The following DCC variants were observed in gnomAD, a reference collection of about 807,000 sequenced individuals.
DCC encodes netrin receptor DCC.
A neutral mutation model predicts 172.5 loss-of-function variants in DCC; 58 were observed. That is an observed-to-expected ratio of 0.34 (90% confidence interval 0.27 to 0.42). DCC has a LOEUF of 0.42. Ranked by LOEUF, DCC falls within the 10% of genes least tolerant of loss-of-function variation. The pLI is 1.00. For missense variants in DCC, 1,740 were observed against 1,791.0 expected (o/e 0.97, Z 0.51); for synonymous variants, 709 against 644.5 (o/e 1.10, Z -1.52).
At chr18:53,529,936 T>C (rs549127039) in intron 28 of DCC, among the ~76,000 whole-genome samples, 21 of 152,272 alleles carry the variant, frequency 1.4e-4, no homozygotes, top group African/African-American at 3.9e-4. Context: ...CCAAAAAGGA[T>C]TGACTGTGGT....
At chr18:53,090,688 C>T (rs1221703671) in intron 7 of DCC, among the ~76,000 whole-genome samples, 3 of 35,012 alleles carry the variant, frequency 8.6e-5, no homozygotes, top group East Asian at 4.4e-4. Flanking sequence ...AGCGAAACTC[C>T]GTCCCCCAAC....
chr18:53,030,810 A>G (rs1376266380), intron 5 of DCC, among the ~76,000 whole-genome samples: 2 of 152,204 alleles, frequency 1.3e-5, no homozygotes, highest in Non-Finnish European at 2.9e-5. Context: ...CTCTGTTGAA[A>G]TGCATTCTTA....
rs111267764 is a variant in DCC, at chr18:53,099,334, C to T, written c.1261+33168C>T. 9.4e-3 allele frequency among the ~76,000 whole-genome samples: 1,431 copies of T among 152,016 alleles called. 29 individuals are homozygous for T. Among genetic ancestry groups the T allele is most frequent in the African/African-American group, 0.032 (1,324 of 41,442 alleles). On this transcript the variant is annotated intron_variant, in intron 7 of 28. Coordinates refer to ENST00000442544, the MANE Select transcript of DCC (RefSeq NM_005215.4). Reference sequence around the variant, plus strand: ...TATTATCATTCCTTATTTTGATATTCGAATTGTCCCAGATTCAAGCAGTAG... The same window carrying T: ...TATTATCATTCCTTATTTTGATATTTGAATTGTCCCAGATTCAAGCAGTAG...
At chr18:52,465,594 T>A (rs1988761910) in intron 1 of DCC, among the ~76,000 whole-genome samples, 1 of 152,134 alleles carries the variant, frequency 6.6e-6, no homozygotes, top group Non-Finnish European at 1.5e-5. Context: ...CTGCGGCCCT[T>A]TGTCCCGACA....
chr18:53,230,446 G>T (rs975313938), intron 12 of DCC, among the ~76,000 whole-genome samples: 1 of 151,866 alleles, frequency 6.6e-6, no homozygotes, highest in Admixed American at 6.6e-5. Context: ...GGACTCCAGC[G>T]TATCATTTTA....
chr18:52,579,401 A>G (rs2033491838), intron 1 of DCC, among the ~76,000 whole-genome samples: 1 of 152,258 alleles, frequency 6.6e-6, no homozygotes, highest in Non-Finnish European at 1.5e-5. Context: ...TATTTCAAAT[A>G]TGATTTGCCC....
chr18:52,960,164 A>T (rs1420233912), intron 5 of DCC, among the ~76,000 whole-genome samples: 2 of 152,034 alleles, frequency 1.3e-5, no homozygotes, highest in East Asian at 3.9e-4. Flanking sequence ...CTGGGTTTCA[A>T]AACTATAGAT....
intron 1 of DCC, among the ~76,000 whole-genome samples, chr18:52,552,643 A>G (rs1144075): frequency 0.25 from 38,295 of 151,776 alleles, 4,996 homozygotes; most frequent in African/African-American, 0.32. Flanking sequence ...ATTGTCTACA[A>G]ATTTTTCCAC....
In DCC at chr18:52,777,352, G is replaced by A. The variant is rs150055931; in HGVS notation, c.412+24978G>A. Among the ~76,000 whole-genome samples, 617 of 152,226 alleles carry A rather than the reference G, an allele frequency of 4.1e-3. 3 individuals are homozygous for A. Among genetic ancestry groups the A allele is most frequent in the Non-Finnish European group, 6.6e-3 (449 of 68,026 alleles). ...GCCTTGCCTTCTCAGGCTTCTGTTG[G>A]CCCCATAAGTTATTTGGCTTGTGGC... On this transcript the variant is annotated intron_variant, in intron 2 of 28. Transcript: ENST00000442544.
intron 7 of DCC, among the ~76,000 whole-genome samples, chr18:53,123,780 C>T (rs904755327): frequency 4.6e-5 from 7 of 152,086 alleles, no homozygotes; most frequent in Admixed American, 4.6e-4. Context: ...TCTCTCCCCT[C>T]TGTGATTATG....
rs1232205682 is a variant in DCC, at chr18:53,351,414, TATACAC to T, written c.2359+11509_2359+11514del. ...TATATATACAGTGTATATATATATA[TATACAC>T]ACTGTGTATATATATATACAGTGTA... On this transcript the variant is annotated intron_variant, in intron 15 of 28. Transcript: ENST00000442544. Among the ~76,000 whole-genome samples, 7 of 14,766 alleles carry T rather than the reference TATACAC, an allele frequency of 4.7e-4. 1 individual carries two copies. Among genetic ancestry groups the T allele is most frequent in the African/African-American group, 1.8e-3 (7 of 3,872 alleles). 9.7% of individuals were successfully genotyped at this position (14,766 alleles called of 152,430 possible). A position where few individuals can be genotyped will look rare whatever the true frequency, so the allele number is the denominator to read the frequency against.
intron 1 of DCC, among the ~76,000 whole-genome samples, chr18:52,656,002 G>GTA (rs72182535): frequency 7.6e-5 from 10 of 131,076 alleles, no homozygotes; most frequent in Non-Finnish European, 1.2e-4. Context: ...ATATATGTGC[G>GTA]TATATATATA....
chr18:52,649,897 ATCT>A (rs2035095333), intron 1 of DCC, among the ~76,000 whole-genome samples: 1 of 151,324 alleles, frequency 6.6e-6, no homozygotes, highest in South Asian at 2.1e-4. Context: ...GAGTGCAGGG[ATCT>A]TCTTTATATA....
chr18:53,526,736 A>G lies in DCC; in HGVS notation c.4231A>G (p.Lys1411Glu). Residue 1411 changes from lysine to glutamate, a missense_variant, in exon 28 of 29, where the codon AAA becomes GAA. This residue lies in a region of DCC where 1,732 missense variants were observed against 1,767.4 expected (regional missense o/e 0.98). Coordinates refer to ENST00000442544, the MANE Select transcript of DCC (RefSeq NM_005215.4). ...CCCTGAAGTGTCTGAGGAGAGCCAC[A>G]AACCAACAGAGGATTCAGCCAATGT... ...TAPEVSEESH[K>E]PTEDSANVYE... 6.2e-7 allele frequency: 1 copy of G among 1,613,446 alleles called. No individual in the cohort carries two copies. Among genetic ancestry groups the G allele is most frequent in the East Asian group, 2.2e-5 (1 of 44,846 alleles).
intron 1 of DCC, among the ~76,000 whole-genome samples, chr18:52,546,336 T>C (rs890908319): frequency 5.9e-5 from 9 of 151,442 alleles, no homozygotes; most frequent in Admixed American, 2.6e-4. Context: ...GAACCCTAGA[T>C]TGACAAAGAA....
intron 15 of DCC, among the ~76,000 whole-genome samples, chr18:53,372,793 C>T (rs1261100378): frequency 6.6e-6 from 1 of 151,996 alleles, no homozygotes; most frequent in East Asian, 1.9e-4. Context: ...TCTTGTGCCT[C>T]CTTAGGGAGA....
At chr18:52,503,048 G>C (rs906526804) in intron 1 of DCC, among the ~76,000 whole-genome samples, 1 of 152,092 alleles carries the variant, frequency 6.6e-6, no homozygotes, top group African/African-American at 2.4e-5. Flanking sequence ...TATATATCAG[G>C]AGTCTGAAGA....
intron 1 of DCC, among the ~76,000 whole-genome samples, chr18:52,718,635 G>A (rs761628941): frequency 6.6e-6 from 1 of 152,162 alleles, no homozygotes; most frequent in Non-Finnish European, 1.5e-5. Flanking sequence ...TCATCTACTG[G>A]AGGCCAGAGA....
chr18:53,414,327 G>T (rs977670340), intron 20 of DCC, among the ~76,000 whole-genome samples: 28 of 151,988 alleles, frequency 1.8e-4, no homozygotes, highest in African/African-American at 6.8e-4. Flanking sequence ...TAGTAAGGTG[G>T]TAGATCATAT....
Sources: gnomAD v4.1 joint callset for allele counts (sites outside exome capture counted in the v4.1 genomes callset) on GRCh38, gnomAD v4.1.1 for gene constraint, gnomAD v4.1.1 regional missense constraint, MANE v1.5 for transcripts, NCBI Gene and HGNC (gene_info 2026-07-23, HGNC 2026-07-21) for gene names.